Variants in FTCDNL1 observed in about 807,000 individuals in gnomAD.
FTCDNL1 encodes formiminotransferase N-terminal subdomain-containing protein.
FTCDNL1 carries 11 observed loss-of-function variants against 5.9 expected under a neutral mutation model. That is an observed-to-expected ratio of 1.87 (90% CI 1.18 to 3.10). The LOEUF (loss-of-function observed/expected upper bound fraction) is 3.10, where lower values mean the gene tolerates loss of function less well. FTCDNL1 is among the 30% of genes most tolerant of loss of function. The pLI is 0.00. For missense variants in FTCDNL1, 115 were observed against 65.5 expected (o/e 1.76, Z -2.61); for synonymous variants, 58 against 24.8 (o/e 2.34, Z -3.99).
At chr2:199,845,834 A>C (rs895772371) in intron 3 of FTCDNL1, among the ~76,000 whole-genome samples, 10 of 135,696 alleles carry the variant, frequency 7.4e-5, no homozygotes, top group South Asian at 2.3e-4. Flanking sequence ...CACCTTCAGC[A>C]AAAAAAAAAA....
chr2:199,693,538 G>C, the FTCDNL1 span, among the ~76,000 whole-genome samples: 1 of 152,044 alleles, frequency 6.6e-6, no homozygotes, highest in South Asian at 2.1e-4. Context: ...TTAATTTTAG[G>C]AAGTCTATAA....
At chr2:199,795,386 T>C (rs1476669434) in intron 3 of FTCDNL1, among the ~76,000 whole-genome samples, 13 of 152,196 alleles carry the variant, frequency 8.5e-5, no homozygotes, top group East Asian at 1.9e-4. Context: ...GGTTCTTTCT[T>C]TTTCTCTGCT....
the FTCDNL1 span, among the ~76,000 whole-genome samples, chr2:199,668,774 G>A: frequency 6.6e-6 from 1 of 152,040 alleles, no homozygotes; most frequent in African/African-American, 2.4e-5. Flanking sequence ...CTCAGATTTG[G>A]AGACAAAAAT....
At chr2:199,735,986 T>C in the FTCDNL1 span, among the ~76,000 whole-genome samples, 1 of 152,240 alleles carries the variant, frequency 6.6e-6, no homozygotes, top group African/African-American at 2.4e-5. Context: ...ATGAATTCTT[T>C]GAAAATGTTT....
At chr2:199,842,247 G>T (rs769966) in intron 3 of FTCDNL1, among the ~76,000 whole-genome samples, 1 of 151,998 alleles carries the variant, frequency 6.6e-6, no homozygotes, top group African/African-American at 2.4e-5. Flanking sequence ...CACCCTGGGC[G>T]ACAGAGCAAG....
At chr2:199,824,839 A>G (rs996137043) in intron 3 of FTCDNL1, among the ~76,000 whole-genome samples, 5 of 152,294 alleles carry the variant, frequency 3.3e-5, no homozygotes, top group South Asian at 2.1e-4. Flanking sequence ...GCAGATCACC[A>G]TAAGAGACAT....
intron 3 of FTCDNL1, among the ~76,000 whole-genome samples, chr2:199,841,459 T>C (rs891987275): frequency 6.6e-6 from 1 of 151,960 alleles, no homozygotes; most frequent in Non-Finnish European, 1.5e-5. Context: ...TTTAAATAAA[T>C]ATAGACTAGA....
At chr2:199,837,437 T>C (rs1259422654) in intron 3 of FTCDNL1, among the ~76,000 whole-genome samples, 2 of 152,196 alleles carry the variant, frequency 1.3e-5, no homozygotes, top group Admixed American at 6.5e-5. Context: ...GAACCCAGCA[T>C]CTAAATTGAC....
the FTCDNL1 span, among the ~76,000 whole-genome samples, chr2:199,719,138 T>C: frequency 6.6e-6 from 1 of 151,988 alleles, no homozygotes; most frequent in Non-Finnish European, 1.5e-5. Flanking sequence ...GAAGAGTTTT[T>C]CCTAGGTTTT....
the FTCDNL1 span, among the ~76,000 whole-genome samples, chr2:199,684,338 AT>A: frequency 6.6e-6 from 1 of 152,186 alleles, no homozygotes; most frequent in African/African-American, 2.4e-5. Context: ...GAATTCAAAA[AT>A]TTTTACTGAA....
the FTCDNL1 span, among the ~76,000 whole-genome samples, chr2:199,728,233 T>C: frequency 6.6e-6 from 1 of 151,996 alleles, no homozygotes; most frequent in South Asian, 2.1e-4. Flanking sequence ...CAACTACAAA[T>C]CAAAACTTCC....
At chr2:199,820,219 C>T (rs1701597991) in intron 3 of FTCDNL1, among the ~76,000 whole-genome samples, 1 of 152,100 alleles carries the variant, frequency 6.6e-6, no homozygotes, top group Non-Finnish European at 1.5e-5. Flanking sequence ...ATACAGTAGC[C>T]CCTAGCTATG....
chr2:199,743,308 C>T, the FTCDNL1 span, among the ~76,000 whole-genome samples: 1 of 152,142 alleles, frequency 6.6e-6, no homozygotes, highest in Non-Finnish European at 1.5e-5. Context: ...CAAAGCCCCT[C>T]GAAAGACTCT....
intron 4 of FTCDNL1, among the ~76,000 whole-genome samples, chr2:199,813,020 T>C (rs1701132035): frequency 6.6e-6 from 1 of 152,232 alleles, no homozygotes; most frequent in Non-Finnish European, 1.5e-5. Context: ...GTAAACTCTT[T>C]ATGCCAGATT....
chr2:199,721,758 C>G, the FTCDNL1 span, among the ~76,000 whole-genome samples: 4 of 152,168 alleles, frequency 2.6e-5, no homozygotes, highest in Non-Finnish European at 2.9e-5. Flanking sequence ...TAAAAGCATT[C>G]CTATCTCTCT....
chr2:199,837,564 T>C (rs974776031), intron 3 of FTCDNL1, among the ~76,000 whole-genome samples: 3 of 152,172 alleles, frequency 2.0e-5, no homozygotes, highest in Non-Finnish European at 4.4e-5. Context: ...AGCCCATGTT[T>C]TGACAATCTG....
At position 199,832,368 on chromosome 2, in the gene FTCDNL1, A is replaced by C. The variant is rs558557635; in HGVS notation, c.212-12611T>G. Among the ~76,000 whole-genome samples the C allele has an allele frequency of 9.2e-5, 14 of 152,250 alleles. No homozygotes were observed. In the East Asian group the frequency reaches 2.7e-3, roughly 29 times the overall value. The stretch of plus-strand genomic sequence containing the variant: ...TTGTTGGGGGAAGGTACTTTGTTAT[A>C]TTTCTCTAAAAGTCACAATAGCATT... On this transcript the variant is annotated intron_variant, in intron 3 of 4. Transcript: ENST00000420128.
chr2:199,747,098 C>T, the FTCDNL1 span, among the ~76,000 whole-genome samples: 1 of 151,536 alleles, frequency 6.6e-6, no homozygotes, highest in Non-Finnish European at 1.5e-5. Context: ...TCATAAAGAT[C>T]CTTGAACATC....
intron 3 of FTCDNL1, among the ~76,000 whole-genome samples, chr2:199,771,604 A>T (rs1698814780): frequency 6.6e-6 from 1 of 152,244 alleles, no homozygotes; most frequent in African/African-American, 2.4e-5. Flanking sequence ...ACAAAAGCAA[A>T]TGGTAAATAG....
Sources: gnomAD v4.1 joint callset for allele counts (sites outside exome capture counted in the v4.1 genomes callset) on GRCh38, gnomAD v4.1.1 for gene constraint, MANE v1.5 for transcripts, NCBI Gene and HGNC (gene_info 2026-07-23, HGNC 2026-07-21) for gene names.